The following PRTG variants were observed in gnomAD, a reference collection of about 807,000 sequenced individuals.
PRTG encodes protogenin.
A neutral mutation model predicts 122.5 loss-of-function variants in PRTG; 67 were observed. That is an observed-to-expected ratio of 0.55 (90% confidence interval 0.45 to 0.67). PRTG has a LOEUF of 0.67. Ranked by LOEUF, PRTG falls within the 30% of genes least tolerant of loss-of-function variation. The pLI is 0.00. For missense variants in PRTG, 1,435 were observed against 1,415.4 expected (o/e 1.01, Z -0.22); for synonymous variants, 554 against 501.1 (o/e 1.11, Z -1.41).
At chr15:55,660,685 A>G (rs2059405020) in intron 11 of PRTG, among the ~76,000 whole-genome samples, 1 of 152,220 alleles carries the variant, frequency 6.6e-6, no homozygotes, top group African/African-American at 2.4e-5. Context: ...CTCTACCTAG[A>G]TGCATCTTCC....
chr15:55,649,542 TG>T (rs746827480), intron 11 of PRTG, among the ~76,000 whole-genome samples: 13 of 152,066 alleles, frequency 8.5e-5, no homozygotes, highest in Non-Finnish European at 1.6e-4. Flanking sequence ...CCTAGCACTT[TG>T]GGGGGCCAAG....
chr15:55,678,747 A>G (rs188780864), intron 7 of PRTG, among the ~76,000 whole-genome samples: 1 of 152,330 alleles, frequency 6.6e-6, no homozygotes, highest in Admixed American at 6.5e-5. Flanking sequence ...AATTTATATG[A>G]CTTGAATACC....
chr15:55,675,159 A>G (rs2059495230), intron 9 of PRTG, among the ~76,000 whole-genome samples: 1 of 152,144 alleles, frequency 6.6e-6, no homozygotes, highest in South Asian at 2.1e-4. Context: ...TCAGAAGTCC[A>G]GTACCTCTGG....
In PRTG at chr15:55,639,715, G is replaced by C. The variant is rs1162524972; in HGVS notation, c.2251C>G (p.Gln751Glu). 14 of 1,614,202 alleles carry C rather than the reference G, an allele frequency of 8.7e-6. No homozygotes were observed. The highest frequency in any genetic ancestry group is 1.2e-5 in the Non-Finnish European group (14 of 1,180,046). ...HWRRPAFTAAQIINYTIRCNP... is the reference protein window; with the variant it reads ...HWRRPAFTAAEIINYTIRCNP... ...CAGCGGATGGTGTAGTTAATGATTTGTGCAGCGGTGAATGCAGGCCTCCTC... is the reference window on the plus strand; with the variant it reads ...CAGCGGATGGTGTAGTTAATGATTTCTGCAGCGGTGAATGCAGGCCTCCTC... The change falls in exon 13 of 20, where the codon CAA (glutamine) becomes GAA (glutamate). Residue 751 changes from glutamine (Q) to glutamate (E), a missense_variant. Gln to Glu is a conservative substitution (Grantham distance 29, BLOSUM62 2). Transcript: ENST00000389286.
chr15:55,699,245 TAACTGTTA>T (rs2059648867), intron 2 of PRTG, among the ~76,000 whole-genome samples: 1 of 152,232 alleles, frequency 6.6e-6, no homozygotes, highest in Admixed American at 6.5e-5. Context: ...AGCTTGGGCT[TAACTGTTA>T]AACTGTTAAC....
intron 17 of PRTG, among the ~76,000 whole-genome samples, chr15:55,625,361 C>T (rs1020323895): frequency 2.0e-5 from 3 of 152,088 alleles, no homozygotes; most frequent in Non-Finnish European, 2.9e-5. Flanking sequence ...GTGTTCTCAG[C>T]GACTCAGGCA....
chr15:55,737,994 CTCTCTCTCTATATATA>C (rs1278319135), intron 2 of PRTG, among the ~76,000 whole-genome samples: 2 of 64,528 alleles, frequency 3.1e-5, no homozygotes, highest in Admixed American at 1.9e-4. Context: ...CTCTCTCTCT[CTCTCTCTCTATATATA>C]TATATATATA....
chr15:55,650,006 G>A (rs2059345073), intron 11 of PRTG, among the ~76,000 whole-genome samples: 1 of 152,112 alleles, frequency 6.6e-6, no homozygotes, highest in Non-Finnish European at 1.5e-5. Context: ...GTTTATATTT[G>A]TAAAATGTTT....
intron 11 of PRTG, among the ~76,000 whole-genome samples, chr15:55,658,597 T>A: frequency 6.6e-6 from 1 of 152,214 alleles, no homozygotes; most frequent in East Asian, 1.9e-4. Flanking sequence ...ATTACAGGCG[T>A]GAGCCAACGT....
At chr15:55,639,895 G>C in intron 12 of PRTG, 67 bp from the exon 13 acceptor site, 1 of 1,570,816 alleles carries the variant, frequency 6.4e-7, no homozygotes, top group Non-Finnish European at 8.6e-7. Context: ...TGGTAAAATG[G>C]TAAAATAATA....
chr15:55,666,683 G>A (rs1181958825), intron 11 of PRTG, among the ~76,000 whole-genome samples: 1 of 152,164 alleles, frequency 6.6e-6, no homozygotes, highest in African/African-American at 2.4e-5. Context: ...AAAACATACA[G>A]ACACAATTTT....
intron 2 of PRTG, among the ~76,000 whole-genome samples, chr15:55,703,117 A>G (rs957031928): frequency 6.6e-6 from 1 of 152,182 alleles, no homozygotes; most frequent in African/African-American, 2.4e-5. Flanking sequence ...AGGTTCTTGG[A>G]ATTCATATGT....
chr15:55,732,067 T>C (rs1292209816), intron 2 of PRTG, among the ~76,000 whole-genome samples: 19 of 152,182 alleles, frequency 1.2e-4, no homozygotes, highest in Admixed American at 9.8e-4. Flanking sequence ...TATCTAAACA[T>C]ATGTAAGCAC....
rs903359496 is a variant in PRTG at position 55,691,988 on chromosome 15, G to A, written c.398-8057C>T. Among the ~76,000 whole-genome samples the A allele has an allele frequency of 1.3e-4, 19 of 151,986 alleles. 1 individual carries two copies. The South Asian group carries it at 3.3e-3, about 27-fold the overall frequency. The stretch of plus-strand genomic sequence containing the variant: ...GGAGGTTGAGTCTGCAGTGAGCCAC[G>A]ATCACACCACTGCACTCCAGCCTGG... On this transcript the variant is annotated intron_variant, in intron 2 of 19. Coordinates refer to ENST00000389286, the MANE Select transcript of PRTG (RefSeq NM_173814.6).
intron 11 of PRTG, among the ~76,000 whole-genome samples, chr15:55,642,200 A>G (rs2059295503): frequency 6.6e-6 from 1 of 150,642 alleles, no homozygotes; most frequent in South Asian, 2.1e-4. Flanking sequence ...AAAAAAAAAA[A>G]AAATAGTTAT....
At chr15:55,734,120 G>A (rs780202023) in intron 2 of PRTG, among the ~76,000 whole-genome samples, 2 of 152,128 alleles carry the variant, frequency 1.3e-5, no homozygotes, top group African/African-American at 2.4e-5. Context: ...CACTGCATAC[G>A]ACGCACAGGA....
intron 11 of PRTG, among the ~76,000 whole-genome samples, chr15:55,646,075 C>T (rs1226668864): frequency 6.6e-6 from 1 of 151,990 alleles, no homozygotes; most frequent in African/African-American, 2.4e-5. Flanking sequence ...GGTGCGATCC[C>T]AGCTCACCGC....
intron 2 of PRTG, among the ~76,000 whole-genome samples, chr15:55,724,149 CT>C (rs1287480749): frequency 6.6e-6 from 1 of 151,978 alleles, no homozygotes; most frequent in Non-Finnish European, 1.5e-5. Flanking sequence ...AATGTGTATT[CT>C]TTTGTTAGGT....
intron 11 of PRTG, among the ~76,000 whole-genome samples, chr15:55,669,760 G>T (rs1438003365): frequency 1.3e-5 from 2 of 152,222 alleles, no homozygotes; most frequent in African/African-American, 4.8e-5. Flanking sequence ...GTAGCTCCAG[G>T]GGTGCGGAAC....
Sources: allele counts gnomAD v4.1 joint callset (sites outside exome capture counted in the v4.1 genomes callset), GRCh38; gene constraint gnomAD v4.1.1; transcripts MANE v1.5; gene names NCBI Gene and HGNC (gene_info 2026-07-23, HGNC 2026-07-21).